Variants in ST3GAL3 observed in about 807,000 individuals in gnomAD.
ST3GAL3 encodes CMP-N-acetylneuraminate-beta-1,4-galactoside alpha-2,3-sialyltransferase.
ST3GAL3 carries 21 observed loss-of-function variants against 50.1 expected under a neutral mutation model. That is an observed-to-expected ratio of 0.42 (90% CI 0.30 to 0.60). ST3GAL3 has a LOEUF of 0.60. Ranked by LOEUF, ST3GAL3 falls within the 20% of genes least tolerant of loss-of-function variation. The pLI is 0.19. For missense variants in ST3GAL3, 353 were observed against 489.4 expected (o/e 0.72, Z 2.63); for synonymous variants, 183 against 190.0 (o/e 0.96, Z 0.30).
intron 3 of ST3GAL3, among the ~76,000 whole-genome samples, chr1:43,797,826 A>C (rs774302182): frequency 6.6e-6 from 1 of 152,216 alleles, no homozygotes; most frequent in Non-Finnish European, 1.5e-5. Context: ...GATTGCCTAC[A>C]TAGGAAATCC....
intron 2 of ST3GAL3, among the ~76,000 whole-genome samples, chr1:43,760,182 C>G (rs1050932075): frequency 1.3e-5 from 2 of 152,090 alleles, no homozygotes; most frequent in Non-Finnish European, 2.9e-5. Context: ...ATGAAGTAAG[C>G]CTGTCACTTC....
At chr1:43,749,790 C>T (rs1377719477) in intron 2 of ST3GAL3, among the ~76,000 whole-genome samples, 1 of 152,146 alleles carries the variant, frequency 6.6e-6, no homozygotes, top group East Asian at 1.9e-4. Flanking sequence ...GTGCTCTGCC[C>T]TCATAAATGA....
chr1:43,811,565 C>A (rs1340102187), intron 3 of ST3GAL3, among the ~76,000 whole-genome samples: 1 of 152,208 alleles, frequency 6.6e-6, no homozygotes, highest in African/African-American at 2.4e-5. Context: ...ACCCTCCAGG[C>A]AGATCTTCTG....
chr1:43,917,520 ATATT>A (rs2082111636), intron 9 of ST3GAL3, among the ~76,000 whole-genome samples: 1 of 72,220 alleles, frequency 1.4e-5, no homozygotes, highest in Non-Finnish European at 2.6e-5. Flanking sequence ...AATATAATAT[ATATT>A]ATATTATATA....
At chr1:43,894,549 A>ACATCC (rs2077103228) in intron 6 of ST3GAL3, 72 bp downstream of exon 6, 4 of 1,379,292 alleles carry the variant, frequency 2.9e-6, no homozygotes, top group Non-Finnish European at 4.1e-6. Context: ...AGACAAGGCT[A>ACATCC]CATCCTCAGA....
intron 5 of ST3GAL3, among the ~76,000 whole-genome samples, chr1:43,880,460 C>G (rs993252592): frequency 3.9e-5 from 6 of 152,110 alleles, no homozygotes; most frequent in Non-Finnish European, 5.9e-5. Context: ...TCCCCTCATA[C>G]TCTGGATCTA....
chr1:43,713,251 G>A (rs1277584198), intron 1 of ST3GAL3, among the ~76,000 whole-genome samples: 1 of 152,112 alleles, frequency 6.6e-6, no homozygotes. Flanking sequence ...AGTTTCTATT[G>A]TGTCACCTTG....
intron 5 of ST3GAL3, among the ~76,000 whole-genome samples, chr1:43,886,325 G>A (rs1314937678): frequency 6.6e-6 from 1 of 152,168 alleles, no homozygotes; most frequent in Non-Finnish European, 1.5e-5. Flanking sequence ...AGGTTGCAGT[G>A]AGCCAAGATC....
chr1:43,879,325 T>C, intron 5 of ST3GAL3: 1 of 456,172 alleles, frequency 2.2e-6, no homozygotes, highest in African/African-American at 2.0e-5. Flanking sequence ...TGGCTTTTTT[T>C]TGGAGACAGT....
intron 11 of ST3GAL3, 143 bp downstream of exon 11, chr1:43,921,071 C>A (rs1357213543): frequency 2.1e-6 from 2 of 954,662 alleles, no homozygotes; most frequent in Non-Finnish European, 3.1e-6. Flanking sequence ...TACGTGCCCT[C>A]TCCACAGCCT....
At position 43,838,314 on chromosome 1, in the gene ST3GAL3, A is replaced by G. The variant is rs764827277; in HGVS notation, c.302+3A>G. The stretch of plus-strand genomic sequence containing the variant: ...TTGATGACGGCCATCTTCCCCCGGT[A>G]AGTGCTCCTGTTTCCCTCCACTGCC... On this transcript the variant is annotated splice_donor_region_variant and intron_variant, in intron 5 of 11. Coordinates refer to ENST00000347631, the MANE Select transcript of ST3GAL3 (RefSeq NM_006279.5). The G allele has an allele frequency of 6.2e-7, 1 of 1,612,918 alleles. No individual in the cohort carries two copies.
intron 2 of ST3GAL3, among the ~76,000 whole-genome samples, chr1:43,791,719 G>T (rs758551124): frequency 8.5e-5 from 13 of 152,178 alleles, no homozygotes; most frequent in Non-Finnish European, 1.6e-4. Context: ...AGAAGAAAGG[G>T]CAAGATCAAA....
chr1:43,742,842 G>A lies in ST3GAL3; in HGVS notation c.118+6462G>A, dbSNP rs549102944. ...TACATAAAACGGAAGAAGCCCATGA[G>A]TTTGAAGAGAACACAATGGAAATTA... On this transcript the variant is annotated intron_variant, in intron 2 of 11. Coordinates refer to ENST00000347631, the MANE Select transcript of ST3GAL3 (RefSeq NM_006279.5). Among the ~76,000 whole-genome samples the A allele has an allele frequency of 2.6e-4, 40 of 152,282 alleles. No individual in the cohort carries two copies. The South Asian group carries it at 7.2e-3, about 28-fold the overall frequency.
chr1:43,745,743 C>T, intron 2 of ST3GAL3, among the ~76,000 whole-genome samples: 1 of 152,158 alleles, frequency 6.6e-6, no homozygotes, highest in Non-Finnish European at 1.5e-5. Flanking sequence ...ATTCTCATGC[C>T]TCAGCCTCCC....
chr1:43,915,987 C>T (rs2081730639), intron 9 of ST3GAL3, among the ~76,000 whole-genome samples: 1 of 152,140 alleles, frequency 6.6e-6, no homozygotes, highest in African/African-American at 2.4e-5. Flanking sequence ...GGCATGGTGG[C>T]AGGCACCTGT....
At chr1:43,718,624 G>A (rs1013113748) in intron 1 of ST3GAL3, among the ~76,000 whole-genome samples, 2 of 139,090 alleles carry the variant, frequency 1.4e-5, no homozygotes, top group Non-Finnish European at 3.1e-5. Context: ...AAAAGCCACT[G>A]TTTGAGTTAA....
intron 3 of ST3GAL3, among the ~76,000 whole-genome samples, chr1:43,800,303 T>C (rs1026515196): frequency 2.0e-5 from 3 of 152,236 alleles, no homozygotes; most frequent in Non-Finnish European, 2.9e-5. Context: ...GAAAAATGCT[T>C]TTCCTTTTAG....
At chr1:43,734,077 C>T (rs891235949) in intron 1 of ST3GAL3, among the ~76,000 whole-genome samples, 3 of 151,796 alleles carry the variant, frequency 2.0e-5, no homozygotes, top group African/African-American at 4.8e-5. Flanking sequence ...TGCCATTGCA[C>T]TCCAGCCTGG....
intron 5 of ST3GAL3, among the ~76,000 whole-genome samples, chr1:43,882,915 A>G (rs2075371796): frequency 1.3e-5 from 2 of 152,154 alleles, no homozygotes; most frequent in Admixed American, 1.3e-4. Flanking sequence ...CATGGTGCAT[A>G]GCACTTAGGT....
Sources: gnomAD v4.1 joint callset for allele counts (sites outside exome capture counted in the v4.1 genomes callset) on GRCh38, gnomAD v4.1.1 for gene constraint, MANE v1.5 for transcripts, NCBI Gene and HGNC (gene_info 2026-07-23, HGNC 2026-07-21) for gene names.